Variants in CADM1 observed in about 807,000 individuals in gnomAD.
CADM1 encodes cell adhesion molecule 1.
CADM1 carries 15 observed loss-of-function variants against 53.1 expected under a neutral mutation model. The ratio of observed to expected loss-of-function variants is 0.28; its 90% CI spans 0.19 to 0.44. The LOEUF (loss-of-function observed/expected upper bound fraction) is 0.44, where lower values mean the gene tolerates loss of function less well. CADM1 is among the 20% of genes least tolerant of loss of function. The pLI, the probability that CADM1 is intolerant of heterozygous loss-of-function variation, is 1.00. For missense variants in CADM1, 434 were observed against 611.3 expected (o/e 0.71, Z 3.06); for synonymous variants, 281 against 243.0 (o/e 1.16, Z -1.45).
intron 1 of CADM1, chr11:115,256,754 T>C (rs1043205795): frequency 2.8e-4 from 127 of 455,044 alleles, no homozygotes; most frequent in African/African-American, 1.4e-3. Context: ...CCTTAACATA[T>C]GGCAATTGCA....
At chr11:115,426,018 C>T (rs760841019) in intron 1 of CADM1, among the ~76,000 whole-genome samples, 4 of 152,218 alleles carry the variant, frequency 2.6e-5, no homozygotes, top group Middle Eastern at 3.4e-3. Flanking sequence ...GAACGCTCTG[C>T]GGGAACAGAT....
intron 5 of CADM1, among the ~76,000 whole-genome samples, chr11:115,227,518 C>T (rs1206841005): frequency 6.6e-6 from 1 of 152,112 alleles, no homozygotes; most frequent in Non-Finnish European, 1.5e-5. Context: ...TGGGCCCCTA[C>T]AAGGAAAGTT....
intron 1 of CADM1, among the ~76,000 whole-genome samples, chr11:115,368,084 A>T (rs547126473): frequency 1.3e-5 from 2 of 149,592 alleles, no homozygotes; most frequent in Non-Finnish European, 1.5e-5. Flanking sequence ...CCCCAGGCAC[A>T]AAAATGTCTT....
At chr11:115,259,374 C>T (rs1050596120) in intron 1 of CADM1, among the ~76,000 whole-genome samples, 20 of 136,660 alleles carry the variant, frequency 1.5e-4, no homozygotes, top group African/African-American at 5.3e-4. Flanking sequence ...GGTGCCATCT[C>T]GGCTCACCGC....
At chr11:115,244,081 TC>T (rs1290300783) in intron 1 of CADM1, among the ~76,000 whole-genome samples, 1 of 152,208 alleles carries the variant, frequency 6.6e-6, no homozygotes, top group Non-Finnish European at 1.5e-5. Flanking sequence ...GCCAGACGAT[TC>T]CTAAAAATAA....
intron 1 of CADM1, among the ~76,000 whole-genome samples, chr11:115,295,521 TATATA>T (rs1313755973): frequency 1.3e-5 from 1 of 76,840 alleles, no homozygotes; most frequent in Non-Finnish European, 2.1e-5. Context: ...TATATATATA[TATATA>T]TATATATATA....
chr11:115,230,552 T>C (rs779591327), intron 4 of CADM1, among the ~76,000 whole-genome samples: 5 of 152,162 alleles, frequency 3.3e-5, no homozygotes, highest in Admixed American at 6.5e-5. Context: ...GAATTTAAGA[T>C]AACTGGCAAA....
intron 1 of CADM1, among the ~76,000 whole-genome samples, chr11:115,463,523 T>C (rs1282661550): frequency 6.6e-6 from 1 of 152,208 alleles, no homozygotes; most frequent in Admixed American, 6.5e-5. Flanking sequence ...ATGAGATATA[T>C]ATGTACATTC....
chr11:115,192,435 C>T (rs1280472105), intron 9 of CADM1, among the ~76,000 whole-genome samples: 3 of 152,176 alleles, frequency 2.0e-5, no homozygotes, highest in Non-Finnish European at 2.9e-5. Context: ...GAGATGATAT[C>T]CATTTGTTCT....
At chr11:115,182,592 C>G (rs2134602948) in intron 10 of CADM1, among the ~76,000 whole-genome samples, 1 of 152,342 alleles carries the variant, frequency 6.6e-6, no homozygotes, top group Non-Finnish European at 1.5e-5. Context: ...TTCTGACTTG[C>G]AGATGAACCC....
At chr11:115,430,696 A>ATTCAAT (rs1948025530) in intron 1 of CADM1, among the ~76,000 whole-genome samples, 3 of 152,220 alleles carry the variant, frequency 2.0e-5, no homozygotes. Flanking sequence ...AATGGAAAGC[A>ATTCAAT]GAGATTAAAA....
Position 115,242,347 on chromosome 11 carries a change from A to T in CADM1, c.125-1927T>A, listed in dbSNP as rs151207827. Among the ~76,000 whole-genome samples the T allele has an allele frequency of 9.1e-4, 138 of 152,108 alleles. 1 individual carries two copies. The highest frequency in any genetic ancestry group is 3.1e-3 in the African/African-American group (129 of 41,514). On this transcript the variant is annotated intron_variant, in intron 1 of 11. Coordinates refer to ENST00000331581, the MANE Select transcript of CADM1 (RefSeq NM_001301043.2). ...AGAAAAGGTGATCAGAAAAAAAAAAAAAAAAAAATGAACAGATGCTTATTT... is the reference window on the plus strand; with the variant it reads ...AGAAAAGGTGATCAGAAAAAAAAAATAAAAAAAATGAACAGATGCTTATTT...
At chr11:115,310,447 C>T (rs1001248170) in intron 1 of CADM1, among the ~76,000 whole-genome samples, 2 of 152,082 alleles carry the variant, frequency 1.3e-5, no homozygotes, top group Non-Finnish European at 2.9e-5. Flanking sequence ...GCAGCACCCC[C>T]CAACTCTGTA....
chr11:115,182,547 T>A (rs894405317), intron 10 of CADM1, among the ~76,000 whole-genome samples: 1 of 152,214 alleles, frequency 6.6e-6, no homozygotes, highest in Admixed American at 6.5e-5. Context: ...ATTTCACATG[T>A]GACCTCAGGT....
At chr11:115,322,089 C>T (rs2135189916) in intron 1 of CADM1, among the ~76,000 whole-genome samples, 1 of 152,294 alleles carries the variant, frequency 6.6e-6, no homozygotes, top group South Asian at 2.1e-4. Flanking sequence ...AGATCAATGA[C>T]AGGACAGCTG....
chr11:115,403,388 G>A (rs1178133316), intron 1 of CADM1, among the ~76,000 whole-genome samples: 1 of 152,192 alleles, frequency 6.6e-6, no homozygotes, highest in Non-Finnish European at 1.5e-5. Context: ...AAGGTTGTTA[G>A]TGAGAACAAC....
At chr11:115,223,386 C>T (rs988053761) in intron 5 of CADM1, among the ~76,000 whole-genome samples, 2 of 152,140 alleles carry the variant, frequency 1.3e-5, no homozygotes, top group African/African-American at 4.8e-5. Flanking sequence ...GCCAGCTTCA[C>T]AACTATTTAA....
At chr11:115,371,403 TACA>T (rs1946303368) in intron 1 of CADM1, among the ~76,000 whole-genome samples, 1 of 151,854 alleles carries the variant, frequency 6.6e-6, no homozygotes, top group African/African-American at 2.4e-5. Context: ...CAATAAGCTC[TACA>T]ACAACCACTA....
intron 1 of CADM1, among the ~76,000 whole-genome samples, chr11:115,435,249 A>G (rs757997808): frequency 2.0e-5 from 3 of 152,196 alleles, no homozygotes; most frequent in Non-Finnish European, 4.4e-5. Flanking sequence ...TTAAGCAACA[A>G]TATGGCTTAG....
Sources: allele counts gnomAD v4.1 joint callset (sites outside exome capture counted in the v4.1 genomes callset), GRCh38; gene constraint gnomAD v4.1.1; transcripts MANE v1.5; gene names NCBI Gene and HGNC (gene_info 2026-07-23, HGNC 2026-07-21).